Variants in FBH1 observed in about 807,000 individuals in gnomAD.
FBH1 encodes F-box DNA helicase 1.
In FBH1, 43 loss-of-function variants were observed where a neutral mutation model predicts 115.5. That is an observed-to-expected ratio of 0.37 (90% CI 0.29 to 0.48). FBH1 has a LOEUF of 0.48. Ranked by LOEUF, FBH1 falls within the 20% of genes least tolerant of loss-of-function variation. The pLI is 0.99. For synonymous variants in FBH1, 524 were observed against 507.8 expected (o/e 1.03, Z -0.43); for missense variants, 1,001 against 1,337.3 (o/e 0.75, Z 3.92).
chr10:5,928,013 CAGTGAGCCAAGATGG>C (rs1832751870), intron 19 of FBH1, among the ~76,000 whole-genome samples: 1 of 132,636 alleles, frequency 7.5e-6, no homozygotes, highest in African/African-American at 3.0e-5. Flanking sequence ...GCGGAGGTTG[CAGTGAGCCAAGATGG>C]CACCACTGCC....
rs1332360581 is a variant in FBH1 at position 5,924,699 on chromosome 10, C to T, written c.2596+191C>T. 3 of 651,056 alleles carry T rather than the reference C, an allele frequency of 4.6e-6. No homozygotes were observed. In the Admixed American group the frequency reaches 6.3e-5, roughly 14 times the overall value. The allele number at this position is 651,056 out of a possible 1,614,324, so 40.3% of individuals were successfully genotyped here. On this transcript the variant is annotated intron_variant, in intron 17 of 20. Transcript: ENST00000362091. This position sits in a 1 kb window ranked among gnomAD's most constrained non-coding sequence, Gnocchi z 6.2. ...TATCCTGCCTCAGCCTCGTGAGTAG[C>T]TGGGACTACAGGCCCCACCACCAGC...
intron 1 of FBH1, chr10:5,894,229 CA>C: frequency 3.0e-6 from 3 of 985,406 alleles, no homozygotes; most frequent in Non-Finnish European, 3.6e-6. Context: ...AATGGGGACA[CA>C]ATATTTTGAA....
In FBH1 at chr10:5,910,324, T is replaced by C. The variant is rs1194769545; in HGVS notation, c.1021-614T>C. Among the ~76,000 whole-genome samples, 1 of 152,124 alleles carries C rather than the reference T, an allele frequency of 6.6e-6. No homozygotes were observed. Among genetic ancestry groups the C allele is most frequent in the African/African-American group, 2.4e-5 (1 of 41,442 alleles). ...AAGATCTGTGTCCACTATTGACTGT[T>C]TCTGTGTAAGCGAACATTTACAGAG... On this transcript the variant is annotated intron_variant, in intron 5 of 20. Coordinates refer to ENST00000362091, the MANE Select transcript of FBH1 (RefSeq NM_178150.3). This position sits in a 1 kb window ranked among gnomAD's most constrained non-coding sequence, Gnocchi z 4.8.
At chr10:5,908,660 G>A (rs1831361967) in intron 3 of FBH1, among the ~76,000 whole-genome samples, 1 of 150,608 alleles carries the variant, frequency 6.6e-6, no homozygotes, top group South Asian at 2.1e-4. Flanking sequence ...AGCGTGCACT[G>A]CAGTGGCTTG....
At position 5,925,301 on chromosome 10, in the gene FBH1, T is replaced by C. The variant is rs190442700; in HGVS notation, c.2597-66T>C. The C allele has an allele frequency of 1.7e-3, 2,631 of 1,579,828 alleles. 4 individuals carry two copies. Among genetic ancestry groups the C allele is most frequent in the Non-Finnish European group, 2.1e-3 (2,391 of 1,158,648 alleles). ...TTCAGAGTCAAGTGGGAAACATGTA[T>C]GTTTTTGTCATCTTGTTTCTTTCCC... On this transcript the variant is annotated intron_variant, in intron 17 of 20. Transcript: ENST00000362091. The surrounding 1 kb of genome is among the most constrained non-coding windows in gnomAD (Gnocchi z 4.6).
chr10:5,923,578 A>T lies in FBH1; in HGVS notation c.2323-43A>T. The T allele has an allele frequency of 6.5e-7, 1 of 1,542,942 alleles. No homozygotes were observed. The highest frequency in any genetic ancestry group is 8.9e-7 in the Non-Finnish European group (1 of 1,122,452). On this transcript the variant is annotated intron_variant, in intron 15 of 20. Coordinates refer to ENST00000362091, the MANE Select transcript of FBH1 (RefSeq NM_178150.3). This position sits in a 1 kb window ranked among gnomAD's most constrained non-coding sequence, Gnocchi z 5.7. ...AGCAACAACAAACAAAACAAAACAA[A>T]AAACAACAAAAAAACAAAAATCCCA... is the stretch of plus-strand genomic sequence containing the variant.
At position 5,890,276 on chromosome 10, in the gene FBH1, A is replaced by G. The variant is rs955835348; in HGVS notation, c.-70A>G. 1 of 369,016 alleles carries G rather than the reference A, an allele frequency of 2.7e-6. No homozygotes were observed. The highest frequency in any genetic ancestry group is 5.1e-6 in the Non-Finnish European group (1 of 197,814). The allele number at this position is 369,016 out of a possible 1,614,324, so 22.9% of individuals were successfully genotyped here. On this transcript the variant is annotated 5_prime_UTR_variant, in exon 1 of 21. Coordinates refer to ENST00000362091, the MANE Select transcript of FBH1 (RefSeq NM_178150.3). ...CAGAGGAGGAGCTCGCTGCCGGGGG[A>G]CGCTGGGCTGAGCGGCCGGCGGCGC... is the stretch of plus-strand genomic sequence containing the variant.
intron 2 of FBH1, among the ~76,000 whole-genome samples, chr10:5,904,024 T>G (rs1390650011): frequency 6.6e-6 from 1 of 152,134 alleles, no homozygotes. Flanking sequence ...TTGATACAAC[T>G]AATTTCAGAA....
intron 13 of FBH1, among the ~76,000 whole-genome samples, chr10:5,919,595 G>A (rs903171070): frequency 6.6e-6 from 1 of 152,194 alleles, no homozygotes; most frequent in Non-Finnish European, 1.5e-5. Context: ...GGCTTTTTAA[G>A]TGTGATTTTT....
At chr10:5,891,067 T>C (rs1306109095) in intron 1 of FBH1, 2 of 744,786 alleles carry the variant, frequency 2.7e-6, no homozygotes, top group South Asian at 6.1e-5. Flanking sequence ...GTTTTACAGG[T>C]GGGGAAGTGG....
At chr10:5,928,190 A>C (rs1589113324) in intron 19 of FBH1, 1 of 129,734 alleles carries the variant, frequency 7.7e-6, no homozygotes, top group African/African-American at 2.8e-5. Context: ...TCACTGTGTC[A>C]CCCAGGCTGG....
In FBH1 at chr10:5,890,337, G is replaced by A. The variant is rs1006063777; in HGVS notation, c.-9G>A. 4 of 377,268 alleles carry A rather than the reference G, an allele frequency of 1.1e-5. No individual in the cohort carries two copies. In the South Asian group the frequency reaches 5.2e-4, roughly 49 times the overall value. The allele number at this position is 377,268 out of a possible 1,614,324, so 23.4% of individuals were successfully genotyped here. ...GCGGCGGCAGCGGGGTCCGGGTCCG[G>A]AGCGCCACAGTGCGTGAGGCCGCAG... On this transcript the variant is annotated 5_prime_UTR_variant, in exon 1 of 21. Transcript: ENST00000362091.
At chr10:5,891,776 A>T (rs1222917950) in intron 1 of FBH1, among the ~76,000 whole-genome samples, 1 of 151,818 alleles carries the variant, frequency 6.6e-6, no homozygotes, top group East Asian at 1.9e-4. Flanking sequence ...TGCTCGGCTA[A>T]TTTTTTTGTA....
chr10:5,906,704 C>T lies in FBH1; in HGVS notation c.753+72C>T, dbSNP rs1156419342. ...ACTTTGCTTAATGCACGCTTATAAT[C>T]AGAGGATCTTTTCAGAAATGGTTTC... On this transcript the variant is annotated intron_variant, in intron 3 of 20. Transcript: ENST00000362091. This position sits in a 1 kb window ranked among gnomAD's most constrained non-coding sequence, Gnocchi z 7.3. The T allele has an allele frequency of 1.6e-6, 2 of 1,248,070 alleles. No homozygotes were observed. The highest frequency in any genetic ancestry group is 4.7e-5 in the East Asian group (2 of 42,776). The allele number at this position is 1,248,070 out of a possible 1,614,324, so 77.3% of individuals were successfully genotyped here.
rs1242416902 is a variant in FBH1 at position 5,915,799 on chromosome 10, C to T, written c.1565+228C>T. On this transcript the variant is annotated intron_variant, in intron 9 of 20. Transcript: ENST00000362091. The surrounding 1 kb of genome is among the most constrained non-coding windows in gnomAD (Gnocchi z 5.2). ...GCCGTCTTGCCAAGAGGGGTGTTCT[C>T]ATGGAAGTGAGGCACAGAAAGTCAA... The T allele has an allele frequency of 3.7e-6, 2 of 544,698 alleles. No individual in the cohort carries two copies. Among genetic ancestry groups the T allele is most frequent in the East Asian group, 6.2e-5 (2 of 32,102 alleles). 33.7% of individuals were successfully genotyped at this position (544,698 alleles called of 1,614,324 possible).
intron 1 of FBH1, among the ~76,000 whole-genome samples, chr10:5,902,277 C>T (rs1843395079): frequency 6.6e-6 from 1 of 151,884 alleles, no homozygotes; most frequent in Non-Finnish European, 1.5e-5. Flanking sequence ...TGATGTTTTG[C>T]TTCTAGTTAT....
chr10:5,916,202 C>T, intron 9 of FBH1, 32 bp from the exon 10 acceptor site: 1 of 1,588,290 alleles, frequency 6.3e-7, no homozygotes, highest in Non-Finnish European at 8.6e-7. Flanking sequence ...CCAGGAGAGC[C>T]ACGTGCTGTT....
In FBH1 at chr10:5,924,260, A is replaced by C. The variant is rs755845635; in HGVS notation, c.2399-51A>C. 6.3e-7 allele frequency: 1 copy of C among 1,585,358 alleles called. No homozygotes were observed. Among genetic ancestry groups the C allele is most frequent in the Non-Finnish European group, 8.7e-7 (1 of 1,155,348 alleles). ...TTAGGAACGTGCAGCACCTGCCACCATCTGTTAGTGGAGCTTGTGTCACCT... is the reference window on the plus strand; with the variant it reads ...TTAGGAACGTGCAGCACCTGCCACCCTCTGTTAGTGGAGCTTGTGTCACCT... On this transcript the variant is annotated intron_variant, in intron 16 of 20. Transcript: ENST00000362091. This position sits in a 1 kb window ranked among gnomAD's most constrained non-coding sequence, Gnocchi z 6.2.
chr10:5,912,055 A>G (rs1005479112), intron 6 of FBH1, among the ~76,000 whole-genome samples: 7 of 152,082 alleles, frequency 4.6e-5, no homozygotes, highest in Non-Finnish European at 8.8e-5. Context: ...GGGATCTTAC[A>G]GGCCCCGATT....
Sources: gnomAD v4.1 joint callset for allele counts (sites outside exome capture counted in the v4.1 genomes callset) on GRCh38, gnomAD v4.1.1 for gene constraint, Gnocchi (gnomAD v3.1) non-coding constraint, MANE v1.5 for transcripts, NCBI Gene and HGNC (gene_info 2026-07-23, HGNC 2026-07-21) for gene names.